Variants in CDNF observed in about 807,000 individuals in gnomAD.
CDNF encodes the protein cerebral dopamine neurotrophic factor, also known as ARMET-like protein 1.
In CDNF, 9 loss-of-function variants were observed where a neutral mutation model predicts 14.8. The ratio of observed to expected loss-of-function variants is 0.61; its 90% CI spans 0.37 to 1.06. CDNF has a LOEUF of 1.06. Among genes scored for constraint, CDNF ranks in the 50% least tolerant of loss-of-function variants. The pLI is 0.01. For missense variants in CDNF, 228 were observed against 228.4 expected, an observed-to-expected ratio of 1.00 and a Z score of 0.01; for synonymous variants, 86 against 87.2, an observed-to-expected ratio of 0.99 and a Z score of 0.07.
chr10:14,830,899 G>C (rs1833838982), intron 1 of CDNF, among the ~76,000 whole-genome samples: 1 of 152,108 alleles, frequency 6.6e-6, no homozygotes, highest in African/African-American at 2.4e-5. Flanking sequence ...GCTGATTCCT[G>C]AGGGTATGAT....
chr10:14,833,333 TAGACC>T (rs1399283326), intron 1 of CDNF, among the ~76,000 whole-genome samples: 1 of 152,128 alleles, frequency 6.6e-6, no homozygotes, highest in East Asian at 1.9e-4. Flanking sequence ...CAGAACAAAA[TAGACC>T]AGCCTTCCTG....
chr10:14,825,639 A>G lies in CDNF; in HGVS notation c.244-19T>C. Reference sequence around the variant, plus strand: ...AATAGCACTGAAGGAAAATGAAGAGAATTGAGTGTTCCAGACAATGAAGAC... The same window carrying G: ...AATAGCACTGAAGGAAAATGAAGAGGATTGAGTGTTCCAGACAATGAAGAC... On this transcript the variant is annotated intron_variant, in intron 2 of 3. Transcript: ENST00000465530. The G allele has an allele frequency of 6.2e-7, 1 of 1,612,444 alleles. No individual in the cohort carries two copies. Among genetic ancestry groups the G allele is most frequent in the Non-Finnish European group, 8.5e-7 (1 of 1,178,928 alleles).
intron 2 of CDNF, among the ~76,000 whole-genome samples, chr10:14,827,642 C>A (rs570673329): frequency 3.3e-5 from 5 of 152,204 alleles, no homozygotes; most frequent in Non-Finnish European, 5.9e-5. Flanking sequence ...CTTGTAATCC[C>A]AGCACTTTGG....
intron 1 of CDNF, 36 bp from the exon 2 acceptor site, chr10:14,828,308 C>T (rs1294644016): frequency 6.2e-7 from 1 of 1,607,276 alleles, no homozygotes; most frequent in Non-Finnish European, 8.5e-7. Context: ...GCATGCACAA[C>T]TTAACCACTA....
intron 1 of CDNF, among the ~76,000 whole-genome samples, chr10:14,837,211 C>A (rs1833899301): frequency 6.6e-6 from 1 of 152,180 alleles, no homozygotes. Context: ...TTTGCAAAAA[C>A]CAAAGTCTCA....
chr10:14,828,550 G>A (rs375312022), intron 1 of CDNF, among the ~76,000 whole-genome samples: 1 of 151,626 alleles, frequency 6.6e-6, no homozygotes, highest in African/African-American at 2.4e-5. Flanking sequence ...AGGAGGCTGA[G>A]GCAGGAGAAT....
In CDNF at chr10:14,826,482, AAAG is replaced by A. The variant is rs111933790; in HGVS notation, c.244-865_244-863del. On this transcript the variant is annotated intron_variant, in intron 2 of 3. Transcript: ENST00000465530. ...GAAGAAAGAAGCAGAAGAAGAAGAA[AAAG>A]AAGAAGAAGAAGAAGAAAAAGAAGC... 1.1e-3 allele frequency among the ~76,000 whole-genome samples: 161 copies of A among 141,012 alleles called. 1 individual carries two copies. The East Asian group carries it at 0.012, about 11-fold the overall frequency. The allele number at this position is 141,012 out of a possible 152,430, so 92.5% of individuals were successfully genotyped here.
At chr10:14,830,356 C>A (rs1367978810) in intron 1 of CDNF, among the ~76,000 whole-genome samples, 2 of 152,176 alleles carry the variant, frequency 1.3e-5, no homozygotes, top group Admixed American at 6.5e-5. Context: ...AACATAACTT[C>A]TATGCCTGAT....
At chr10:14,837,658 G>T (rs1190870258) in intron 1 of CDNF, among the ~76,000 whole-genome samples, 174 bp downstream of exon 1, 1 of 152,242 alleles carries the variant, frequency 6.6e-6, no homozygotes, top group South Asian at 2.1e-4. Flanking sequence ...TTACCACCAG[G>T]CCCGGCTTGA....
chr10:14,820,965 C>G (rs1833733406), intron 3 of CDNF, among the ~76,000 whole-genome samples: 1 of 152,104 alleles, frequency 6.6e-6, no homozygotes, highest in African/African-American at 2.4e-5. Context: ...TTGCGCTCTT[C>G]CTCTTGCTGC....
Position 14,838,029 on chromosome 10 carries a change from G to T in CDNF, c.-83C>A. The T allele has an allele frequency of 1.9e-6, 2 of 1,056,244 alleles. No homozygotes were observed. Among genetic ancestry groups the T allele is most frequent in the Non-Finnish European group, 2.8e-6 (2 of 715,318 alleles). 65.4% of individuals were successfully genotyped at this position (1,056,244 alleles called of 1,614,324 possible). A position where few individuals can be genotyped will look rare whatever the true frequency, so the allele number is the denominator to read the frequency against. The stretch of plus-strand genomic sequence containing the variant: ...CAAAGCGAGCTGAGCAGAATTCGAG[G>T]TTGGAAAGAATCTGCCAGTAGTTGC... On this transcript the variant is annotated 5_prime_UTR_variant, in exon 1 of 4. Coordinates refer to ENST00000465530, the MANE Select transcript of CDNF (RefSeq NM_001029954.3).
chr10:14,828,397 C>G (rs540653617), intron 1 of CDNF, 125 bp from the exon 2 acceptor site: 337 of 857,846 alleles, frequency 3.9e-4, no homozygotes, highest in Non-Finnish European at 5.5e-4. Context: ...CCCTGTAATC[C>G]TAGCACTTTG....
At chr10:14,827,671 T>C (rs1444927492) in intron 2 of CDNF, among the ~76,000 whole-genome samples, 1 of 152,156 alleles carries the variant, frequency 6.6e-6, no homozygotes, top group Non-Finnish European at 1.5e-5. Context: ...GGTGGGTGGA[T>C]CACCTGAGGT....
chr10:14,834,065 G>A (rs1176925650), intron 1 of CDNF, among the ~76,000 whole-genome samples: 4 of 152,148 alleles, frequency 2.6e-5, no homozygotes, highest in African/African-American at 9.7e-5. Flanking sequence ...ATCAGGCCAG[G>A]CACGGGAGTT....
intron 3 of CDNF, among the ~76,000 whole-genome samples, chr10:14,820,627 G>A (rs1232108613): frequency 1.3e-5 from 2 of 152,078 alleles, no homozygotes; most frequent in African/African-American, 4.8e-5. Flanking sequence ...CAGCTACTTG[G>A]GAGGCTGCGG....
At chr10:14,825,829 T>C (rs867757176) in intron 2 of CDNF, among the ~76,000 whole-genome samples, 2 of 151,796 alleles carry the variant, frequency 1.3e-5, no homozygotes, top group South Asian at 4.1e-4. Context: ...TGAAACCCCA[T>C]CTCTACTAAA....
chr10:14,829,977 G>A (rs1306541153), intron 1 of CDNF, among the ~76,000 whole-genome samples: 1 of 151,954 alleles, frequency 6.6e-6, no homozygotes, highest in Non-Finnish European at 1.5e-5. Flanking sequence ...CTGGTGCCTC[G>A]TTTCTTTGTG....
chr10:14,828,805 G>A (rs11259362), intron 1 of CDNF, among the ~76,000 whole-genome samples: 60,595 of 151,684 alleles, frequency 0.4, 14,102 homozygotes, highest in African/African-American at 0.64. Flanking sequence ...CAGGAGTTTG[G>A]AGCCAGTCTG....
intron 2 of CDNF, among the ~76,000 whole-genome samples, chr10:14,826,470 GAAGAAGAAGAAA>G (rs1272657040): frequency 5.8e-5 from 8 of 138,458 alleles, no homozygotes; most frequent in African/African-American, 1.9e-4. Flanking sequence ...GAAAGAAGCA[GAAGAAGAAGAAA>G]AAGAAGAAGA....
Sources: gnomAD v4.1 joint callset for allele counts (sites outside exome capture counted in the v4.1 genomes callset) on GRCh38, gnomAD v4.1.1 for gene constraint, MANE v1.5 for transcripts, NCBI Gene and HGNC (gene_info 2026-07-23, HGNC 2026-07-21) for gene names.